Variants in PAPSS2 observed in about 807,000 individuals in gnomAD.
PAPSS2 encodes bifunctional 3'-phosphoadenosine 5'-phosphosulfate synthase 2.
Under a neutral mutation model 66.5 loss-of-function variants are expected in PAPSS2, and 61 were observed. The observed-to-expected ratio is 0.92, with a 90% confidence interval of 0.75 to 1.14. PAPSS2 has a LOEUF of 1.14. PAPSS2 is among the 50% of genes most tolerant of loss of function. The probability of loss-of-function intolerance (pLI) is 0.00; values close to 1 mark genes in which losing one functional copy is unlikely to be tolerated. For missense variants in PAPSS2, 708 were observed against 789.6 expected, an observed-to-expected ratio of 0.90 and a Z score of 1.24; for synonymous variants, 289 against 287.5, an observed-to-expected ratio of 1.01 and a Z score of -0.05.
intron 1 of PAPSS2, among the ~76,000 whole-genome samples, chr10:87,681,761 C>G (rs1042750251): frequency 5.9e-5 from 9 of 152,102 alleles, no homozygotes; most frequent in Non-Finnish European, 1.2e-4. Flanking sequence ...TGATAGTTTC[C>G]TTTTTTGGAT....
At chr10:87,665,255 A>C (rs1177952308) in intron 1 of PAPSS2, among the ~76,000 whole-genome samples, 1 of 151,362 alleles carries the variant, frequency 6.6e-6, no homozygotes, top group Non-Finnish European at 1.5e-5. Context: ...ACTGTCACCC[A>C]GGCTGGAGTG....
At position 87,747,461 on chromosome 10, in the gene PAPSS2, GTTTGTC is replaced by G. The variant is rs1853956986; in HGVS notation, c.*1495_*1500del. Reference sequence around the variant, plus strand: ...TAAGTTACACACAATGGCCACAGCAGTTTGTCTTTAATAGTATAGTGCCTATACTCA... The same window carrying G: ...TAAGTTACACACAATGGCCACAGCAGTTTAATAGTATAGTGCCTATACTCA... On this transcript the variant is annotated 3_prime_UTR_variant, in exon 13 of 13. Coordinates refer to ENST00000456849, the MANE Select transcript of PAPSS2 (RefSeq NM_001015880.2). 1 of 152,164 alleles carries G rather than the reference GTTTGTC, an allele frequency of 6.6e-6. No homozygotes were observed. The highest frequency in any genetic ancestry group is 6.6e-5 in the Admixed American group (1 of 15,264). 9.4% of individuals were successfully genotyped at this position (152,164 alleles called of 1,614,324 possible).
chr10:87,734,238 C>T (rs1479609396), intron 9 of PAPSS2, among the ~76,000 whole-genome samples: 2 of 152,166 alleles, frequency 1.3e-5, no homozygotes, highest in African/African-American at 2.4e-5. Context: ...GACTTTTGCA[C>T]ATACTCATCC....
chr10:87,699,246 G>A (rs2131920600), intron 1 of PAPSS2, among the ~76,000 whole-genome samples: 1 of 152,116 alleles, frequency 6.6e-6, no homozygotes, highest in East Asian at 1.9e-4. Flanking sequence ...ATATTTTAAA[G>A]GGATTCATTG....
chr10:87,674,267 C>T (rs1852917037), intron 1 of PAPSS2, among the ~76,000 whole-genome samples: 1 of 152,198 alleles, frequency 6.6e-6, no homozygotes, highest in Non-Finnish European at 1.5e-5. Context: ...TGTGTCCAAG[C>T]GATTCTCCTG....
chr10:87,697,642 G>A (rs1410197754), intron 1 of PAPSS2, among the ~76,000 whole-genome samples: 1 of 152,238 alleles, frequency 6.6e-6, no homozygotes, highest in Non-Finnish European at 1.5e-5. Context: ...GAGCATATGA[G>A]GAGAACCAAG....
intron 1 of PAPSS2, among the ~76,000 whole-genome samples, chr10:87,690,819 G>T (rs1490676337): frequency 1.3e-5 from 2 of 152,078 alleles, no homozygotes; most frequent in African/African-American, 4.8e-5. Flanking sequence ...GTTCAGTAAG[G>T]CTGCAGCTGT....
intron 1 of PAPSS2, among the ~76,000 whole-genome samples, chr10:87,702,794 C>T (rs1853333997): frequency 6.6e-6 from 1 of 152,104 alleles, no homozygotes; most frequent in Non-Finnish European, 1.5e-5. Flanking sequence ...TGGTTTAGGG[C>T]TTTTTCATTC....
intron 1 of PAPSS2, among the ~76,000 whole-genome samples, chr10:87,696,933 A>G (rs1437004170): frequency 6.6e-6 from 1 of 152,250 alleles, no homozygotes; most frequent in Non-Finnish European, 1.5e-5. Context: ...CTCTATTAGT[A>G]ACTTTCACAT....
intron 9 of PAPSS2, among the ~76,000 whole-genome samples, chr10:87,738,550 C>T (rs939633233): frequency 6.6e-6 from 1 of 152,202 alleles, no homozygotes; most frequent in Admixed American, 6.5e-5. Flanking sequence ...GCTGGGACTA[C>T]AGGCATGCAC....
rs1853950876 is a variant in PAPSS2, at chr10:87,747,107, A to G, written c.*1137A>G. Reference sequence around the variant, plus strand: ...AGCTGCTTAACAAAGTTCCTCGAACAGAAAGTGCTTACAAAGCTGCCTTCT... The same window carrying G: ...AGCTGCTTAACAAAGTTCCTCGAACGGAAAGTGCTTACAAAGCTGCCTTCT... On this transcript the variant is annotated 3_prime_UTR_variant, in exon 13 of 13. Transcript: ENST00000456849. The G allele has an allele frequency of 6.6e-6, 1 of 152,180 alleles. No individual in the cohort carries two copies. 9.4% of individuals were successfully genotyped at this position (152,180 alleles called of 1,614,324 possible).
rs1853949166 is a variant in PAPSS2, at chr10:87,746,958, CA to C, written c.*992del. On this transcript the variant is annotated 3_prime_UTR_variant, in exon 13 of 13. Coordinates refer to ENST00000456849, the MANE Select transcript of PAPSS2 (RefSeq NM_001015880.2). The stretch of plus-strand genomic sequence containing the variant: ...GTTTTGTAAGCTGTGAGCACCGTAA[CA>C]AAATGTAAATTTGCCATTATTAGGA... 6.6e-6 allele frequency: 1 copy of C among 152,146 alleles called. No individual in the cohort carries two copies. The highest frequency in any genetic ancestry group is 1.5e-5 in the Non-Finnish European group (1 of 68,030). 9.4% of individuals were successfully genotyped at this position (152,146 alleles called of 1,614,324 possible). A position where few individuals can be genotyped will look rare whatever the true frequency, so the allele number is the denominator to read the frequency against.
intron 1 of PAPSS2, among the ~76,000 whole-genome samples, chr10:87,690,120 A>T (rs963096040): frequency 1.3e-5 from 2 of 152,244 alleles, no homozygotes; most frequent in African/African-American, 4.8e-5. Context: ...ATATTTTCAC[A>T]TGCAAAAAAT....
chr10:87,683,545 G>A (rs754552357), intron 1 of PAPSS2, among the ~76,000 whole-genome samples: 2 of 152,190 alleles, frequency 1.3e-5, no homozygotes, highest in Admixed American at 6.5e-5. Context: ...TTGCATTCAC[G>A]TGCAGGGTTC....
intron 1 of PAPSS2, 104 bp from the exon 2 acceptor site, chr10:87,709,092 T>C (rs1853431257): frequency 1.4e-6 from 1 of 737,072 alleles, no homozygotes; most frequent in Non-Finnish European, 2.5e-6. Context: ...TTGTTACATG[T>C]ATCAGTTTCG....
At chr10:87,689,560 G>A (rs1383748572) in intron 1 of PAPSS2, among the ~76,000 whole-genome samples, 1 of 144,170 alleles carries the variant, frequency 6.9e-6, no homozygotes, top group Non-Finnish European at 1.5e-5. Context: ...CAGCTACTTG[G>A]GAGGCTGAGG....
At chr10:87,689,067 G>A (rs1255348402) in intron 1 of PAPSS2, among the ~76,000 whole-genome samples, 2 of 152,116 alleles carry the variant, frequency 1.3e-5, no homozygotes, top group South Asian at 4.1e-4. Flanking sequence ...GGGGCCAGTT[G>A]CGGTGGCTCA....
At chr10:87,668,234 G>A (rs994573286) in intron 1 of PAPSS2, among the ~76,000 whole-genome samples, 2 of 152,128 alleles carry the variant, frequency 1.3e-5, no homozygotes, top group African/African-American at 2.4e-5. Context: ...GCCCTCTGCT[G>A]GGGGTCCCAT....
At chr10:87,730,970 A>G (rs1439739667) in intron 9 of PAPSS2, among the ~76,000 whole-genome samples, 2 of 152,226 alleles carry the variant, frequency 1.3e-5, no homozygotes. Flanking sequence ...GATCTAGCTA[A>G]GATCATTGAT....
Sources: gnomAD v4.1 joint callset for allele counts (sites outside exome capture counted in the v4.1 genomes callset) on GRCh38, gnomAD v4.1.1 for gene constraint, MANE v1.5 for transcripts, NCBI Gene and HGNC (gene_info 2026-07-23, HGNC 2026-07-21) for gene names.